The following UBE3B variants were observed in gnomAD, a reference collection of about 807,000 sequenced individuals.
UBE3B encodes the protein ubiquitin-protein ligase E3B.
In UBE3B, 80 loss-of-function variants were observed where a neutral mutation model predicts 132.3. The ratio of observed to expected loss-of-function variants is 0.60; its 90% CI spans 0.50 to 0.73. The LOEUF (loss-of-function observed/expected upper bound fraction) is 0.73. Among genes scored for constraint, UBE3B ranks in the 30% least tolerant of loss-of-function variants. The probability of loss-of-function intolerance (pLI) is 0.00; values close to 1 mark genes in which losing one functional copy is unlikely to be tolerated. For missense variants in UBE3B, 1,196 were observed against 1,362.5 expected, an observed-to-expected ratio of 0.88 and a Z score of 1.92; for synonymous variants, 487 against 520.4, an observed-to-expected ratio of 0.94 and a Z score of 0.87.
intron 24 of UBE3B, 22 bp from the exon 25 acceptor site, chr12:109,529,868 A>T: frequency 6.2e-7 from 1 of 1,613,414 alleles, no homozygotes. Flanking sequence ...TGTCATTGTT[A>T]TCTCTTCCTT....
downstream of UBE3B, among the ~76,000 whole-genome samples, chr12:109,537,123 T>G (rs1164396154): frequency 6.6e-6 from 1 of 152,170 alleles, no homozygotes; most frequent in Non-Finnish European, 1.5e-5. Context: ...GTGCTAAGAT[T>G]ACTGGCATGA....
At chr12:109,508,189 C>G (rs1050351779) in intron 15 of UBE3B, among the ~76,000 whole-genome samples, 2 of 152,194 alleles carry the variant, frequency 1.3e-5, no homozygotes, top group Non-Finnish European at 2.9e-5. Flanking sequence ...ATAGCACATA[C>G]CTTTTAGGCA....
chr12:109,522,802 G>A lies in UBE3B; in HGVS notation c.2365-1176G>A, dbSNP rs559482791. Reference sequence around the variant, plus strand: ...TCTTCCTTGTGCCCTCCAGTGATTTGGGTCCTGGGCCCATTCTCTGTGCCT... The same window carrying A: ...TCTTCCTTGTGCCCTCCAGTGATTTAGGTCCTGGGCCCATTCTCTGTGCCT... On this transcript the variant is annotated intron_variant, in intron 21 of 27. Transcript: ENST00000342494. The surrounding 1 kb of genome is among the most constrained non-coding windows in gnomAD (Gnocchi z 4.2). 6.6e-6 allele frequency among the ~76,000 whole-genome samples: 1 copy of A among 152,288 alleles called. No individual in the cohort carries two copies. The highest frequency in any genetic ancestry group is 2.4e-5 in the African/African-American group (1 of 41,566).
downstream of UBE3B, among the ~76,000 whole-genome samples, chr12:109,539,442 G>C (rs111496671): frequency 3.3e-5 from 5 of 152,318 alleles, no homozygotes; most frequent in African/African-American, 1.2e-4. Flanking sequence ...AAGAGCCTCA[G>C]AGCATCCTGC....
chr12:109,544,317 G>C, the UBE3B span, among the ~76,000 whole-genome samples: 1 of 150,556 alleles, frequency 6.6e-6, no homozygotes, highest in South Asian at 2.1e-4. Context: ...GGGTGCTGGT[G>C]GGAATGGGTG....
intron 8 of UBE3B, 198 bp from the exon 9 acceptor site, chr12:109,490,847 T>C (rs1215310163): frequency 1.7e-6 from 2 of 1,155,584 alleles, no homozygotes; most frequent in Non-Finnish European, 2.3e-6. Flanking sequence ...AGAGACAGGG[T>C]TGCCCTGTCA....
chr12:109,547,466 TAC>T, the UBE3B span, among the ~76,000 whole-genome samples: 9 of 152,264 alleles, frequency 5.9e-5, no homozygotes, highest in Admixed American at 1.3e-4. This position sits in a 1 kb window ranked among gnomAD's most constrained non-coding sequence, Gnocchi z 4.1. Flanking sequence ...CACACACATG[TAC>T]ACACGCACAC....
At chr12:109,543,696 G>C in the UBE3B span, among the ~76,000 whole-genome samples, 1 of 152,202 alleles carries the variant, frequency 6.6e-6, no homozygotes, top group African/African-American at 2.4e-5. Flanking sequence ...AGCCCGGCAT[G>C]GTGGCAGGCA....
At chr12:109,528,883 G>C (rs1226719347) in intron 24 of UBE3B, among the ~76,000 whole-genome samples, 1 of 151,878 alleles carries the variant, frequency 6.6e-6, no homozygotes, top group Non-Finnish European at 1.5e-5. Flanking sequence ...AAAAGGCCAG[G>C]CGTGGTGGCT....
At chr12:109,518,639 G>A (rs1646525328) in intron 19 of UBE3B, among the ~76,000 whole-genome samples, 1 of 152,328 alleles carries the variant, frequency 6.6e-6, no homozygotes, top group African/African-American at 2.4e-5. Context: ...CATGGGAAGA[G>A]TCTGGGGTGG....
Position 109,503,085 on chromosome 12 carries a change from G to T in UBE3B, c.1345G>T (p.Gly449Cys), listed in dbSNP as rs370344870. ...CCGGAATATTCTCAGGCCTGTCGGG[G>T]GTAAACGGGTCGACTCTGCAGAAGT... ...SVRNILRPVG[G>C]KRVDSAEVQK... The change falls in exon 14 of 28, where the codon GGT becomes TGT. Residue 449 changes from glycine to cysteine, a missense_variant. By Grantham distance (159) the Gly-to-Cys change is radical. Coordinates refer to ENST00000342494, the MANE Select transcript of UBE3B (RefSeq NM_130466.4). The T allele has an allele frequency of 1.2e-6, 2 of 1,614,052 alleles. No individual in the cohort carries two copies. Among genetic ancestry groups the T allele is most frequent in the African/African-American group, 1.3e-5 (1 of 74,924 alleles).
chr12:109,517,573 A>G (rs1014172320), intron 19 of UBE3B, among the ~76,000 whole-genome samples: 1 of 152,186 alleles, frequency 6.6e-6, no homozygotes, highest in African/African-American at 2.4e-5. Context: ...TGTCTGTGTT[A>G]TCCATGCCAC....
intron 25 of UBE3B, 106 bp downstream of exon 25, chr12:109,530,178 G>A: frequency 7.6e-7 from 1 of 1,314,748 alleles, no homozygotes; most frequent in Non-Finnish European, 1.1e-6. Flanking sequence ...CCTGTCTCCA[G>A]ATCTCCTTCT....
Position 109,486,498 on chromosome 12 carries a change from A to AAGG in UBE3B, c.372_374dup (p.Lys124_Asp125insGlu). On this transcript the variant is annotated inframe_insertion, in exon 6 of 28. Coordinates refer to ENST00000342494, the MANE Select transcript of UBE3B (RefSeq NM_130466.4). ...GTGGTATGTGTCCCTGGCTTGTTCTAAGGACCTCACCCTCCTTTGGATTCA... is the reference window on the plus strand; with the variant it reads ...GTGGTATGTGTCCCTGGCTTGTTCTAAGGAGGACCTCACCCTCCTTTGGATTCA... The AAGG allele has an allele frequency of 6.2e-7, 1 of 1,605,004 alleles. No homozygotes were observed. Among genetic ancestry groups the AAGG allele is most frequent in the Non-Finnish European group, 8.5e-7 (1 of 1,175,392 alleles).
chr12:109,499,715 G>T lies in UBE3B; in HGVS notation c.1023G>T (p.Thr341=), dbSNP rs368626531. 22 of 1,613,490 alleles carry T rather than the reference G, an allele frequency of 1.4e-5. No homozygotes were observed. The highest frequency in any genetic ancestry group is 2.2e-5 in the East Asian group (1 of 44,836). Residue 341 remains threonine (T), a synonymous_variant, in exon 12 of 28, where the codon ACG becomes ACT. Transcript: ENST00000342494. The part of the protein sequence containing the change: ...TDGFVSLLTQ[T]LCYCRKYVSQ... ...GGTTCGTGAGTTTGCTCACCCAGACGCTGTGCTACTGTCGGAAGTATGTGT... is the reference window on the plus strand; with the variant it reads ...GGTTCGTGAGTTTGCTCACCCAGACTCTGTGCTACTGTCGGAAGTATGTGT...
In UBE3B at chr12:109,524,508, G is replaced by A; in HGVS notation, c.2568+5G>A. 6.2e-7 allele frequency: 1 copy of A among 1,613,826 alleles called. No individual in the cohort carries two copies. Among genetic ancestry groups the A allele is most frequent in the African/African-American group, 1.3e-5 (1 of 75,056 alleles). ...GACGAGGACGTCATGGGTCAGGTAG[G>A]TCCGCCCTTTGGCTGAGCTCCCTTT... is the stretch of plus-strand genomic sequence containing the variant. On this transcript the variant is annotated splice_donor_5th_base_variant and intron_variant, in intron 23 of 27. Coordinates refer to ENST00000342494, the MANE Select transcript of UBE3B (RefSeq NM_130466.4).
At chr12:109,544,986 C>T in the UBE3B span, among the ~76,000 whole-genome samples, 330 of 152,332 alleles carry the variant, frequency 2.2e-3, 1 homozygote, top group African/African-American at 7.0e-3. Context: ...GAGTGAGTGA[C>T]TTGCCCAGGG....
In UBE3B at chr12:109,522,288, A is replaced by T. The variant is rs1881803893; in HGVS notation, c.2364+737A>T. ...GTCTGGGTTTCCACTCTGTGGCCTG[A>T]TGGGGTCAGGGTGATGTGGCCCACA... On this transcript the variant is annotated intron_variant, in intron 21 of 27. Coordinates refer to ENST00000342494, the MANE Select transcript of UBE3B (RefSeq NM_130466.4). The surrounding 1 kb of genome is among the most constrained non-coding windows in gnomAD (Gnocchi z 4.2). 1.3e-5 allele frequency among the ~76,000 whole-genome samples: 2 copies of T among 152,114 alleles called. No homozygotes were observed. Among genetic ancestry groups the T allele is most frequent in the South Asian group, 4.1e-4 (2 of 4,830 alleles).
At chr12:109,481,913 C>T (rs1357378448) in intron 2 of UBE3B, among the ~76,000 whole-genome samples, 171 bp downstream of exon 2, 2 of 152,132 alleles carry the variant, frequency 1.3e-5, no homozygotes, top group African/African-American at 4.8e-5. Context: ...TACCTTCCCT[C>T]CTGTGGTCAA....
Sources: allele counts gnomAD v4.1 joint callset (sites outside exome capture counted in the v4.1 genomes callset), GRCh38; gene constraint gnomAD v4.1.1; non-coding constraint Gnocchi (gnomAD v3.1); transcripts MANE v1.5; gene names NCBI Gene and HGNC (gene_info 2026-07-23, HGNC 2026-07-21).